Variants in CNTNAP3B observed in about 807,000 individuals in gnomAD.
CNTNAP3B encodes contactin-associated protein-like 3B.
In CNTNAP3B, 25 loss-of-function variants were observed where a neutral mutation model predicts 108.9. That is an observed-to-expected ratio of 0.23 (90% CI 0.17 to 0.32). The LOEUF is 0.32. Among genes scored for constraint, CNTNAP3B ranks in the 10% least tolerant of loss-of-function variants. The pLI is 1.00. For missense variants in CNTNAP3B, 252 were observed against 1,210.4 expected, an observed-to-expected ratio of 0.21 and a Z score of 11.75; for synonymous variants, 103 against 473.4, an observed-to-expected ratio of 0.22 and a Z score of 10.16.
At chr9:41,943,795 C>T (rs549368448) in intron 13 of CNTNAP3B, among the ~76,000 whole-genome samples, 56 of 152,350 alleles carry the variant, frequency 3.7e-4, no homozygotes, top group Non-Finnish European at 6.5e-4. Flanking sequence ...GACATGAAAC[C>T]ATAGGTTCAG....
chr9:41,948,050 G>A (rs1248403361), intron 13 of CNTNAP3B, among the ~76,000 whole-genome samples: 1 of 151,176 alleles, frequency 6.6e-6, no homozygotes, highest in African/African-American at 2.4e-5. Context: ...AAATCTCTTG[G>A]CCCAGATGGT....
intron 3 of CNTNAP3B, among the ~76,000 whole-genome samples, chr9:42,030,771 A>ATGTGT (rs1564177855): frequency 1.7e-5 from 2 of 117,142 alleles, no homozygotes; most frequent in African/African-American, 7.8e-5. Flanking sequence ...AGAGAGAGAG[A>ATGTGT]GAGAGAGAGA....
At chr9:41,962,650 A>C (rs944057978) in intron 11 of CNTNAP3B, among the ~76,000 whole-genome samples, 2 of 142,698 alleles carry the variant, frequency 1.4e-5, no homozygotes, top group Admixed American at 7.0e-5. Flanking sequence ...GAGGCCACTC[A>C]ACTCCTAGAA....
chr9:41,931,205 C>T (rs1168815870), intron 14 of CNTNAP3B, among the ~76,000 whole-genome samples: 1 of 152,272 alleles, frequency 6.6e-6, no homozygotes, highest in Admixed American at 6.5e-5. Context: ...ATTGGCATGT[C>T]AGAGTTGTAC....
chr9:41,921,104 C>G (rs1354221176), intron 17 of CNTNAP3B, among the ~76,000 whole-genome samples: 1 of 152,306 alleles, frequency 6.6e-6, no homozygotes, highest in Admixed American at 6.5e-5. Context: ...TTCGGTGGGC[C>G]TAAGGTGGGG....
chr9:42,066,574 C>T (rs1435547578), intron 3 of CNTNAP3B, among the ~76,000 whole-genome samples: 1 of 128,742 alleles, frequency 7.8e-6, no homozygotes, highest in Non-Finnish European at 1.6e-5. Flanking sequence ...TTACAGGCGC[C>T]TGCCACCACA....
At chr9:41,916,488 C>G (rs1823520340) in intron 18 of CNTNAP3B, among the ~76,000 whole-genome samples, 1 of 152,212 alleles carries the variant, frequency 6.6e-6, no homozygotes. Context: ...AAGGAACGTT[C>G]TTTGTTATTT....
chr9:42,115,173 A>T (rs529412400), intron 1 of CNTNAP3B, among the ~76,000 whole-genome samples: 1 of 139,254 alleles, frequency 7.2e-6, no homozygotes, highest in Admixed American at 7.1e-5. Context: ...GCAATCAAAG[A>T]GATTTTTTGT....
At chr9:42,089,624 C>T (rs2118662028) in intron 2 of CNTNAP3B, among the ~76,000 whole-genome samples, 1 of 147,634 alleles carries the variant, frequency 6.8e-6, no homozygotes, top group Non-Finnish European at 1.5e-5. Context: ...CTGAGCTATT[C>T]ATTTTGTATT....
chr9:42,096,421 A>T (rs1271279685), intron 2 of CNTNAP3B, among the ~76,000 whole-genome samples: 2 of 139,652 alleles, frequency 1.4e-5, no homozygotes, highest in East Asian at 2.2e-4. Flanking sequence ...CTCAGACCAA[A>T]AGATGCTTTT....
intron 13 of CNTNAP3B, among the ~76,000 whole-genome samples, chr9:41,948,421 A>G (rs1824590932): frequency 6.6e-6 from 1 of 151,996 alleles, no homozygotes; most frequent in Non-Finnish European, 1.5e-5. Flanking sequence ...TTAAATAAAA[A>G]TTAAAGTCAA....
intron 3 of CNTNAP3B, among the ~76,000 whole-genome samples, chr9:42,072,030 A>T (rs1827388961): frequency 7.1e-6 from 1 of 140,208 alleles, no homozygotes; most frequent in Non-Finnish European, 1.5e-5. Flanking sequence ...TATGTCAGGG[A>T]TGGATAATAA....
At position 42,128,455 on chromosome 9, in the gene CNTNAP3B, G is replaced by A. The variant is rs1461626004; in HGVS notation, c.85+555C>T. Among the ~76,000 whole-genome samples the A allele has an allele frequency of 1.5e-5, 2 of 136,072 alleles. 1 individual carries two copies. The highest frequency in any genetic ancestry group is 4.5e-4 in the East Asian group (2 of 4,470). The allele number at this position is 136,072 out of a possible 152,430, so 89.3% of individuals were successfully genotyped here. A position where few individuals can be genotyped will look rare whatever the true frequency, so the allele number is the denominator to read the frequency against. On this transcript the variant is annotated intron_variant, in intron 1 of 23. Transcript: ENST00000377561. ...ACTGAGAAACGAAGCCCCTGACAGG[G>A]GTGTTCAAGTGTTATTCCCTTAGTA...
intron 2 of CNTNAP3B, among the ~76,000 whole-genome samples, chr9:42,086,103 C>T (rs1320355657): frequency 7.1e-6 from 1 of 140,328 alleles, no homozygotes; most frequent in Non-Finnish European, 1.5e-5. Flanking sequence ...GGAGGCCTCA[C>T]AATCATGGCA....
At chr9:42,082,767 T>G (rs911620997) in intron 2 of CNTNAP3B, among the ~76,000 whole-genome samples, 16 of 136,866 alleles carry the variant, frequency 1.2e-4, no homozygotes, top group African/African-American at 4.7e-4. Flanking sequence ...GCATCTACAC[T>G]CCCTAGCAGC....
intron 9 of CNTNAP3B, among the ~76,000 whole-genome samples, chr9:41,985,700 CTAA>C (rs1825692797): frequency 7.8e-6 from 1 of 128,018 alleles, no homozygotes; most frequent in Admixed American, 8.0e-5. Context: ...GAGCTGTGTA[CTAA>C]TAATGATTCA....
chr9:41,972,936 CTTT>C (rs1212724871), intron 9 of CNTNAP3B, among the ~76,000 whole-genome samples: 1 of 47,792 alleles, frequency 2.1e-5, no homozygotes. Context: ...CTTAGGTTAT[CTTT>C]TTTTTTTTTT....
chr9:41,939,565 C>A (rs1429298466), intron 13 of CNTNAP3B, among the ~76,000 whole-genome samples: 1 of 152,392 alleles, frequency 6.6e-6, no homozygotes, highest in South Asian at 2.1e-4. Flanking sequence ...TACCAGGAAT[C>A]TTTTAAAAAT....
At chr9:41,939,038 C>T (rs1051551828) in intron 13 of CNTNAP3B, among the ~76,000 whole-genome samples, 65 of 152,364 alleles carry the variant, frequency 4.3e-4, no homozygotes, top group African/African-American at 1.3e-3. Context: ...CTGACGAGTG[C>T]GCCTCCTTCT....
Sources: gnomAD v4.1 joint callset for allele counts (sites outside exome capture counted in the v4.1 genomes callset) on GRCh38, gnomAD v4.1.1 for gene constraint, MANE v1.5 for transcripts, NCBI Gene and HGNC (gene_info 2026-07-23, HGNC 2026-07-21) for gene names.